Variants in NFATC3 observed in about 807,000 individuals in gnomAD.
NFATC3 encodes the protein nuclear factor of activated T cells 3, also known as nuclear factor of activated T-cells, cytoplasmic 3.
NFATC3 carries 46 observed loss-of-function variants against 98.6 expected under a neutral mutation model. That is an observed-to-expected ratio of 0.47 (90% CI 0.37 to 0.60). NFATC3 has a LOEUF of 0.60. NFATC3 is among the 20% of genes least tolerant of loss of function. The probability of loss-of-function intolerance (pLI) is 0.00; values close to 1 mark genes in which losing one functional copy is unlikely to be tolerated. For missense variants in NFATC3, 1,256 were observed against 1,295.5 expected (o/e 0.97, Z 0.47); for synonymous variants, 512 against 472.2 (o/e 1.08, Z -1.09).
At chr16:68,143,435 A>G (rs1381446273) in intron 3 of NFATC3, among the ~76,000 whole-genome samples, 1 of 152,182 alleles carries the variant, frequency 6.6e-6, no homozygotes, top group Non-Finnish European at 1.5e-5. Context: ...AAGAGGTTTT[A>G]TATTGTCTTT....
chr16:68,100,887 C>CTG (rs55677176), intron 1 of NFATC3, among the ~76,000 whole-genome samples: 2,645 of 146,346 alleles, frequency 0.018, 72 homozygotes, highest in African/African-American at 0.055. Context: ...TTTGAGAGTT[C>CTG]TGTGTGTGTG....
chr16:68,173,288 C>T (rs1334630067), intron 5 of NFATC3, among the ~76,000 whole-genome samples: 1 of 144,206 alleles, frequency 6.9e-6, no homozygotes, highest in Non-Finnish European at 1.5e-5. Flanking sequence ...AAATATAGGC[C>T]GGGCGCGGTG....
chr16:68,126,351 C>A, intron 2 of NFATC3, 97 bp from the exon 3 acceptor site: 3 of 1,166,848 alleles, frequency 2.6e-6, no homozygotes, highest in Middle Eastern at 2.9e-4. Flanking sequence ...TTTCAAAGAT[C>A]AAAGGAAGAA....
At chr16:68,183,844 C>T (rs1244268529) in intron 8 of NFATC3, among the ~76,000 whole-genome samples, 1 of 151,776 alleles carries the variant, frequency 6.6e-6, no homozygotes, top group Non-Finnish European at 1.5e-5. Context: ...TTCATCTTTA[C>T]TAAAAATACA....
At chr16:68,192,251 A>ATATATATATATATGTATG (rs1427447833) in intron 9 of NFATC3, 16 of 109,120 alleles carry the variant, frequency 1.5e-4, no homozygotes, top group African/African-American at 5.0e-4. Context: ...ATATATATAT[A>ATATATATATATATGTATG]TATGTATGTG....
At chr16:68,167,190 T>C (rs1185240318) in intron 5 of NFATC3, among the ~76,000 whole-genome samples, 175 bp downstream of exon 5, 3 of 152,226 alleles carry the variant, frequency 2.0e-5, no homozygotes, top group Non-Finnish European at 2.9e-5. Context: ...AGTACTGATC[T>C]TGGAATTAGA....
chr16:68,164,948 C>T (rs986233706), intron 4 of NFATC3, among the ~76,000 whole-genome samples: 3 of 152,136 alleles, frequency 2.0e-5, no homozygotes, highest in Admixed American at 2.0e-4. Flanking sequence ...TACTTATTTT[C>T]ACCGCTACAT....
chr16:68,120,683 A>G (rs865838939), intron 1 of NFATC3, among the ~76,000 whole-genome samples: 3 of 150,920 alleles, frequency 2.0e-5, no homozygotes, highest in Middle Eastern at 7.1e-3. Context: ...CCAGGAGGCA[A>G]GATTGCGCCA....
chr16:68,104,653 G>GTTTTTTTTTT lies in NFATC3; in HGVS notation c.104-17327_104-17318dup, dbSNP rs778016298. 7.9e-5 allele frequency among the ~76,000 whole-genome samples: 10 copies of GTTTTTTTTTT among 126,692 alleles called. 1 individual carries two copies. The highest frequency in any genetic ancestry group is 2.5e-4 in the African/African-American group (8 of 31,856). 83.1% of individuals were successfully genotyped at this position (126,692 alleles called of 152,430 possible). A position where few individuals can be genotyped will look rare whatever the true frequency, so the allele number is the denominator to read the frequency against. On this transcript the variant is annotated intron_variant, in intron 1 of 9. Coordinates refer to ENST00000346183, the MANE Select transcript of NFATC3 (RefSeq NM_173165.3). ...GTTAGCTGTGGGCTTTTCACAAATGGTTTTTTTTTTTTTTTTGAAATGGAG... is the reference window on the plus strand; with the variant it reads ...GTTAGCTGTGGGCTTTTCACAAATGGTTTTTTTTTTTTTTTTTTTTTTTTTTGAAATGGAG...
intron 8 of NFATC3, among the ~76,000 whole-genome samples, chr16:68,185,228 T>C (rs1281105340): frequency 6.6e-6 from 1 of 152,240 alleles, no homozygotes; most frequent in East Asian, 1.9e-4. Flanking sequence ...CCGCTTGCCT[T>C]GGCCTTCCAA....
chr16:68,126,649 A>C (rs1383374735), intron 3 of NFATC3, 39 bp downstream of exon 3: 4 of 1,603,402 alleles, frequency 2.5e-6, no homozygotes, highest in African/African-American at 2.7e-5. Context: ...GATACCATAC[A>C]CCTAGTGATG....
chr16:68,185,779 C>T (rs1307862389), intron 8 of NFATC3, among the ~76,000 whole-genome samples: 3 of 147,618 alleles, frequency 2.0e-5, no homozygotes, highest in African/African-American at 7.6e-5. Flanking sequence ...AGGAGAATGG[C>T]ATGAACCCGG....
At position 68,089,871 on chromosome 16, in the gene NFATC3, T is replaced by C. The variant is rs577111826; in HGVS notation, c.103+4087T>C. On this transcript the variant is annotated intron_variant, in intron 1 of 9. Coordinates refer to ENST00000346183, the MANE Select transcript of NFATC3 (RefSeq NM_173165.3). ...TTGACTTTCTAGTCCTGAATGAGAGTTACTGGAAGGAATGTGCTATATACT... is the reference window on the plus strand; with the variant it reads ...TTGACTTTCTAGTCCTGAATGAGAGCTACTGGAAGGAATGTGCTATATACT... Among the ~76,000 whole-genome samples, 27 of 152,272 alleles carry C rather than the reference T, an allele frequency of 1.8e-4. No individual in the cohort carries two copies. In the South Asian group the frequency reaches 3.1e-3, roughly 18 times the overall value.
At chr16:68,097,418 T>G (rs1285819165) in intron 1 of NFATC3, among the ~76,000 whole-genome samples, 1 of 152,238 alleles carries the variant, frequency 6.6e-6, no homozygotes, top group African/African-American at 2.4e-5. Context: ...GTAGATTTAT[T>G]AGGCAATTGG....
Position 68,101,685 on chromosome 16 carries a change from A to G in NFATC3, c.103+15901A>G, listed in dbSNP as rs369486593. ...TTTTTGATAGAGATGGGGTTTCACC[A>G]TATTATCCAGGATGGTCTTGATCCC... is the stretch of plus-strand genomic sequence containing the variant. On this transcript the variant is annotated intron_variant, in intron 1 of 9. Transcript: ENST00000346183. 4.6e-5 allele frequency among the ~76,000 whole-genome samples: 7 copies of G among 151,824 alleles called. No homozygotes were observed. The East Asian group carries it at 7.8e-4, about 17-fold the overall frequency.
chr16:68,166,645 T>G (rs531384027), intron 4 of NFATC3, among the ~76,000 whole-genome samples, 198 bp from the exon 5 acceptor site: 78 of 152,290 alleles, frequency 5.1e-4, no homozygotes, highest in Non-Finnish European at 1.0e-3. Flanking sequence ...ATCTGCTAAG[T>G]TTTGCACTTT....
At position 68,095,063 on chromosome 16, in the gene NFATC3, A is replaced by G. The variant is rs185442225; in HGVS notation, c.103+9279A>G. On this transcript the variant is annotated intron_variant, in intron 1 of 9. Coordinates refer to ENST00000346183, the MANE Select transcript of NFATC3 (RefSeq NM_173165.3). The stretch of plus-strand genomic sequence containing the variant: ...TGGCTTCCCCAAAACACAAGGCTGC[A>G]TGGGAGAGGAGTGGATAGAAGGATA... Among the ~76,000 whole-genome samples, 80 of 152,306 alleles carry G rather than the reference A, an allele frequency of 5.3e-4. 1 individual carries two copies. The highest frequency in any genetic ancestry group is 6.9e-4 in the Non-Finnish European group (47 of 68,020).
At chr16:68,189,967 G>A (rs1157606871) in intron 8 of NFATC3, among the ~76,000 whole-genome samples, 1 of 152,054 alleles carries the variant, frequency 6.6e-6, no homozygotes, top group African/African-American at 2.4e-5. Context: ...GAGGTGGGAG[G>A]ATCCCTTGTT....
At chr16:68,166,715 C>T (rs1353504039) in intron 4 of NFATC3, 128 bp from the exon 5 acceptor site, 7 of 692,938 alleles carry the variant, frequency 1.0e-5, no homozygotes, top group African/African-American at 1.8e-5. Context: ...AGCAATCATA[C>T]ATATCTTTCT....
Sources: gnomAD v4.1 joint callset for allele counts (sites outside exome capture counted in the v4.1 genomes callset) on GRCh38, gnomAD v4.1.1 for gene constraint, MANE v1.5 for transcripts, NCBI Gene and HGNC (gene_info 2026-07-23, HGNC 2026-07-21) for gene names.